The following GIPC1 variants were observed in gnomAD, a reference collection of about 807,000 sequenced individuals.
GIPC1 encodes the protein PDZ domain-containing protein GIPC1.
In GIPC1, 15 loss-of-function variants were observed where a neutral mutation model predicts 28.5. That is an observed-to-expected ratio of 0.53 (90% confidence interval 0.35 to 0.81). GIPC1 has a LOEUF of 0.81. Among genes scored for constraint, GIPC1 ranks in the 30% least tolerant of loss-of-function variants. The pLI is 0.01. For missense variants in GIPC1, 439 were observed against 481.9 expected (o/e 0.91, Z 0.83); for synonymous variants, 224 against 206.1 (o/e 1.09, Z -0.74).
chr19:14,479,308 C>T, intron 7 of GIPC1, 104 bp downstream of exon 7: 1 of 513,556 alleles, frequency 1.9e-6, no homozygotes, highest in Non-Finnish European at 3.3e-6. Context: ...GCCGAGATTG[C>T]ACCACTGCAC....
intron 1 of GIPC1, among the ~76,000 whole-genome samples, chr19:14,495,723 A>G (rs1599368934): frequency 2.0e-5 from 3 of 152,028 alleles, no homozygotes; most frequent in African/African-American, 7.2e-5. Context: ...AGGGTCAGAA[A>G]CACTGACCCC....
At chr19:14,488,126 G>A (rs995889620) in intron 3 of GIPC1, among the ~76,000 whole-genome samples, 14 of 152,130 alleles carry the variant, frequency 9.2e-5, no homozygotes, top group African/African-American at 3.4e-4. Context: ...GGGCAAGAAC[G>A]TCCCAAGTAG....
Position 14,480,383 on chromosome 19 carries a change from C to T in GIPC1, c.577G>A (p.Glu193Lys). 1 of 1,612,984 alleles carries T rather than the reference C, an allele frequency of 6.2e-7. No homozygotes were observed. The highest frequency in any genetic ancestry group is 8.5e-7 in the Non-Finnish European group (1 of 1,179,826). Residue 193 changes from glutamate to lysine, a missense_variant, in exon 6 of 9, where the codon GAG becomes AAG. Physicochemically the swap from Glu to Lys is moderately conservative, Grantham distance 56 (BLOSUM62 1). Coordinates refer to ENST00000393033, the MANE Select transcript of GIPC1 (RefSeq NM_005716.4). ...AGCTCCTTGAGCAGCCGGGCCACCTCGTAGTGCCGGCAGCCCAGCAGGCTC... is the reference window on the plus strand; with the variant it reads ...AGCTCCTTGAGCAGCCGGGCCACCTTGTAGTGCCGGCAGCCCAGCAGGCTC... ...GQSLLGCRHY[E>K]VARLLKELPR...
chr19:14,494,875 T>C lies in GIPC1; in HGVS notation c.-175+1162A>G, dbSNP rs73519872. 7.6e-3 allele frequency among the ~76,000 whole-genome samples: 1,157 copies of C among 152,076 alleles called. 13 individuals are homozygous for C. Among genetic ancestry groups the C allele is most frequent in the African/African-American group, 0.027 (1,114 of 41,472 alleles). ...GAATTTCAGCATCCTCACCCCCTCA[T>C]CCTGGGAAGGGCCTGAAACTTAGCA... On this transcript the variant is annotated intron_variant, in intron 1 of 8. Coordinates refer to ENST00000393033, the MANE Select transcript of GIPC1 (RefSeq NM_005716.4).
chr19:14,483,231 G>A (rs983008554), intron 3 of GIPC1: 43 of 455,320 alleles, frequency 9.4e-5, no homozygotes, highest in African/African-American at 5.5e-4. Context: ...TGAGGTGGGC[G>A]GATCACTTGA....
At chr19:14,480,191 C>G in intron 6 of GIPC1, 114 bp downstream of exon 6, 1 of 883,508 alleles carries the variant, frequency 1.1e-6, no homozygotes, top group Non-Finnish European at 1.8e-6. Context: ...CTTTCTGCAA[C>G]CCCTTCCCTT....
At chr19:14,479,383 C>G (rs373495581) in intron 7 of GIPC1, 29 bp downstream of exon 7, 2 of 923,022 alleles carry the variant, frequency 2.2e-6, no homozygotes, top group East Asian at 6.5e-5. Flanking sequence ...GAAGGGATGC[C>G]GGAGATAGGG....
In GIPC1 at chr19:14,478,211, C is replaced by T. The variant is rs975945367; in HGVS notation, c.*205G>A. ...GGTGGGGAACAGGGCACAGGGGGGC[C>T]GGGGACCCCGGCCAGACTGGGAACC... On this transcript the variant is annotated 3_prime_UTR_variant, in exon 9 of 9. Transcript: ENST00000393033. The surrounding 1 kb of genome is among the most constrained non-coding windows in gnomAD (Gnocchi z 5.2). The T allele has an allele frequency of 2.3e-5, 13 of 568,664 alleles. No homozygotes were observed. The highest frequency in any genetic ancestry group is 3.7e-5 in the Non-Finnish European group (12 of 325,926). The allele number at this position is 568,664 out of a possible 1,614,324, so 35.2% of individuals were successfully genotyped here. A position where few individuals can be genotyped will look rare whatever the true frequency, so the allele number is the denominator to read the frequency against.
chr19:14,485,725 A>AGAGAGAGAGAGAGAGAGG lies in GIPC1; in HGVS notation c.-30-2720_-30-2719insCCTCTCTCTCTCTCTCTC, dbSNP rs1555721820. 4.0e-3 allele frequency among the ~76,000 whole-genome samples: 558 copies of AGAGAGAGAGAGAGAGAGG among 141,044 alleles called. 5 individuals are homozygous for AGAGAGAGAGAGAGAGAGG. The highest frequency in any genetic ancestry group is 4.9e-3 in the Non-Finnish European group (319 of 64,808). The allele number at this position is 141,044 out of a possible 152,430, so 92.5% of individuals were successfully genotyped here. On this transcript the variant is annotated intron_variant, in intron 3 of 8. Coordinates refer to ENST00000393033, the MANE Select transcript of GIPC1 (RefSeq NM_005716.4). ...TATAGAGAGAGAGAGAGAGAGAGAG[A>AGAGAGAGAGAGAGAGAGG]GAGAGAGAGAGAGAGACAGAGAGAG... is the stretch of plus-strand genomic sequence containing the variant.
At chr19:14,485,684 A>AATATATAT (rs141749727) in intron 3 of GIPC1, among the ~76,000 whole-genome samples, 1,952 of 71,722 alleles carry the variant, frequency 0.027, 57 homozygotes, top group East Asian at 0.075. Context: ...TAAATAAACA[A>AATATATAT]ATATATATAT....
chr19:14,480,801 A>G lies in GIPC1; in HGVS notation c.289-23T>C, dbSNP rs199759986. ...CACCTGCAGGGGTGGGAGACGCTGA[A>G]ACCTCTTCCCCCTCCCTCCCCCTTT... On this transcript the variant is annotated intron_variant, in intron 4 of 8. Transcript: ENST00000393033. 5,891 of 1,566,570 alleles carry G rather than the reference A, an allele frequency of 3.8e-3. 215 individuals are homozygous for G. In the South Asian group the frequency reaches 0.062, roughly 17 times the overall value.
At position 14,478,273 on chromosome 19, in the gene GIPC1, G is replaced by A. The variant is rs940765005; in HGVS notation, c.*143C>T. 2.4e-5 allele frequency: 20 copies of A among 824,372 alleles called. No homozygotes were observed. The highest frequency in any genetic ancestry group is 3.6e-5 in the South Asian group (2 of 56,056). The allele number at this position is 824,372 out of a possible 1,614,324, so 51.1% of individuals were successfully genotyped here. On this transcript the variant is annotated 3_prime_UTR_variant, in exon 9 of 9. Coordinates refer to ENST00000393033, the MANE Select transcript of GIPC1 (RefSeq NM_005716.4). This position sits in a 1 kb window ranked among gnomAD's most constrained non-coding sequence, Gnocchi z 5.2. ...GGTACCGATTGGAGCGGGGCAGGGG[G>A]CCTGGCCCCACCTCCCCTCACCATC...
In GIPC1 at chr19:14,479,394, T is replaced by C. The variant is rs2071673652; in HGVS notation, c.768+18A>G. On this transcript the variant is annotated intron_variant, in intron 7 of 8. Coordinates refer to ENST00000393033, the MANE Select transcript of GIPC1 (RefSeq NM_005716.4). ...AAGGGAAGGGATGCCGGAGATAGGG[T>C]CCGGCTGGAGCACTCACCAGATCCT... The C allele has an allele frequency of 9.4e-7, 1 of 1,064,504 alleles. No homozygotes were observed. Among genetic ancestry groups the C allele is most frequent in the Non-Finnish European group, 1.3e-6 (1 of 780,634 alleles). The allele number at this position is 1,064,504 out of a possible 1,614,324, so 65.9% of individuals were successfully genotyped here. A position where few individuals can be genotyped will look rare whatever the true frequency, so the allele number is the denominator to read the frequency against.
chr19:14,496,074 G>GCCT lies in GIPC1; in HGVS notation c.-213_-212insAGG. 2 of 240,486 alleles carry GCCT rather than the reference G, an allele frequency of 8.3e-6. No homozygotes were observed. The highest frequency in any genetic ancestry group is 7.5e-5 in the South Asian group (1 of 13,334). 14.9% of individuals were successfully genotyped at this position (240,486 alleles called of 1,614,324 possible). ...CGCCGCCGCCGCCGCCGCCGCCGCCGCTGCCTCCGCCTCCCCGTGCGCACC... is the reference window on the plus strand; with the variant it reads ...CGCCGCCGCCGCCGCCGCCGCCGCCGCCTCTGCCTCCGCCTCCCCGTGCGCACC... On this transcript the variant is annotated 5_prime_UTR_variant, in exon 1 of 9. Coordinates refer to ENST00000393033, the MANE Select transcript of GIPC1 (RefSeq NM_005716.4).
chr19:14,493,525 T>A (rs2146496418), intron 1 of GIPC1, among the ~76,000 whole-genome samples: 1 of 152,120 alleles, frequency 6.6e-6, no homozygotes, highest in East Asian at 1.9e-4. Flanking sequence ...TGGCGCCATC[T>A]CAGCTCACTG....
intron 3 of GIPC1, among the ~76,000 whole-genome samples, chr19:14,486,502 G>A (rs1322174235): frequency 6.6e-6 from 1 of 152,096 alleles, no homozygotes; most frequent in Non-Finnish European, 1.5e-5. Flanking sequence ...ATCTTTCCCA[G>A]GCAGGGTGAT....
chr19:14,489,675 A>G (rs1297667152), intron 3 of GIPC1: 4 of 804,464 alleles, frequency 5.0e-6, no homozygotes, highest in Admixed American at 3.6e-5. Context: ...CTGTTTTACT[A>G]TGATGTAAAA....
intron 2 of GIPC1, among the ~76,000 whole-genome samples, chr19:14,492,050 A>G (rs1173242703): frequency 2.0e-5 from 3 of 151,900 alleles, no homozygotes; most frequent in Non-Finnish European, 4.4e-5. Flanking sequence ...CCTGGGTGAC[A>G]GAGTGAGGCT....
At position 14,478,570 on chromosome 19, in the gene GIPC1, A is replaced by G. The variant is rs756001922; in HGVS notation, c.851-3T>C. 6.2e-7 allele frequency: 1 copy of G among 1,613,916 alleles called. No individual in the cohort carries two copies. Among genetic ancestry groups the G allele is most frequent in the Non-Finnish European group, 8.5e-7 (1 of 1,179,912 alleles). ...TCCCAGCTCCACCATGGTGGCCGCTATTGGGGGAGGGGTCAGAACGGAGGC... is the reference window on the plus strand; with the variant it reads ...TCCCAGCTCCACCATGGTGGCCGCTGTTGGGGGAGGGGTCAGAACGGAGGC... On this transcript the variant is annotated splice_polypyrimidine_tract_variant and splice_region_variant and intron_variant, in intron 8 of 8. Transcript: ENST00000393033. The surrounding 1 kb of genome is among the most constrained non-coding windows in gnomAD (Gnocchi z 5.2).
Sources: gnomAD v4.1 joint callset for allele counts (sites outside exome capture counted in the v4.1 genomes callset) on GRCh38, gnomAD v4.1.1 for gene constraint, Gnocchi (gnomAD v3.1) non-coding constraint, MANE v1.5 for transcripts, NCBI Gene and HGNC (gene_info 2026-07-23, HGNC 2026-07-21) for gene names.